Variants in ANK3 observed in about 807,000 individuals in gnomAD.
ANK3 encodes the protein ankyrin-3.
ANK3 carries 57 observed loss-of-function variants against 370.9 expected under a neutral mutation model. The ratio of observed to expected loss-of-function variants is 0.15; its 90% CI spans 0.12 to 0.19. The LOEUF (loss-of-function observed/expected upper bound fraction) is 0.19, where lower values mean the gene tolerates loss of function less well. Ranked by LOEUF, ANK3 falls within the 10% of genes least tolerant of loss-of-function variation. The pLI is 1.00. For missense variants in ANK3, 4,439 were observed against 5,302.1 expected, an observed-to-expected ratio of 0.84 and a Z score of 5.06; for synonymous variants, 1,929 against 1,946.3, an observed-to-expected ratio of 0.99 and a Z score of 0.23.
At chr10:60,582,619 T>A (rs1430695067) in intron 2 of ANK3, among the ~76,000 whole-genome samples, 1 of 151,106 alleles carries the variant, frequency 6.6e-6, no homozygotes, top group Non-Finnish European at 1.5e-5. Flanking sequence ...CACAGCCTTT[T>A]CTCATGTTGG....
At chr10:60,316,323 A>G (rs1230672907) in intron 1 of ANK3, among the ~76,000 whole-genome samples, 1 of 152,142 alleles carries the variant, frequency 6.6e-6, no homozygotes, top group Non-Finnish European at 1.5e-5. Context: ...CACAAACAAA[A>G]AAGCAGGAAG....
intron 43 of ANK3, among the ~76,000 whole-genome samples, chr10:60,034,934 GT>G (rs2074570041): frequency 6.6e-6 from 1 of 151,916 alleles, no homozygotes; most frequent in Non-Finnish European, 1.5e-5. Context: ...AGGTAGCTTT[GT>G]TTCTTCACTA....
rs141112329 is a variant in ANK3 at position 60,169,206 on chromosome 10, C to A, written c.2479-2310G>T. ...ATTTTTCCACAGCCTTGCCAGCATC[C>A]GTTGTTTTTTGACTTTGTAATAATT... On this transcript the variant is annotated intron_variant, in intron 21 of 43. Transcript: ENST00000280772. Among the ~76,000 whole-genome samples the A allele has an allele frequency of 3.7e-3, 565 of 152,010 alleles. 3 individuals carry two copies. The highest frequency in any genetic ancestry group is 0.013 in the African/African-American group (539 of 41,462).
upstream of ANK3, among the ~76,000 whole-genome samples, chr10:60,391,985 T>G (rs1024895162): frequency 2.0e-5 from 3 of 152,142 alleles, no homozygotes; most frequent in South Asian, 2.1e-4. Context: ...TAACAGAAAA[T>G]GTGATCTTTT....
Position 60,106,030 on chromosome 10 carries a change from C to T in ANK3, c.3203G>A (p.Gly1068Glu), listed in dbSNP as rs1223897919. ...TTCTCTCTCTTTTCCTCTCATGGAC[C>T]CAAAGTGAGGGATTTCCACTATGAC... ...GPVIVEIPHFGSMRGKERELI... is the reference protein window; with the variant it reads ...GPVIVEIPHFESMRGKERELI... The change falls in exon 28 of 44, where the codon GGG (glycine) becomes GAG (glutamate). Residue 1068 changes from glycine to glutamate, a missense_variant. By Grantham distance (98) the Gly-to-Glu change is moderately conservative. Transcript: ENST00000280772. 6.2e-7 allele frequency: 1 copy of T among 1,608,686 alleles called. No individual in the cohort carries two copies. Among genetic ancestry groups the T allele is most frequent in the Non-Finnish European group, 8.5e-7 (1 of 1,178,008 alleles).
chr10:60,645,402 A>G (rs1273162670), intron 1 of ANK3, among the ~76,000 whole-genome samples: 3 of 152,118 alleles, frequency 2.0e-5, no homozygotes, highest in East Asian at 1.9e-4. Flanking sequence ...TTAATATATA[A>G]TCTATGACAA....
chr10:60,193,757 C>CAAGTAAGGAAAAATATAAGT (rs2096537540), intron 16 of ANK3, among the ~76,000 whole-genome samples: 1 of 152,032 alleles, frequency 6.6e-6, no homozygotes, highest in Non-Finnish European at 1.5e-5. Context: ...TATTCTCATC[C>CAAGTAAGGAAAAATATAAGT]AAGGAAAAAA....
intron 7 of ANK3, among the ~76,000 whole-genome samples, chr10:60,246,862 C>T (rs566685814): frequency 3.3e-5 from 5 of 152,154 alleles, no homozygotes; most frequent in Non-Finnish European, 7.3e-5. Flanking sequence ...TCTCCCCACA[C>T]ACACCCTCAG....
rs570513851 is a variant in ANK3, at chr10:60,705,746, T to G, written c.57+27517A>C. Among the ~76,000 whole-genome samples the G allele has an allele frequency of 2.0e-5, 3 of 151,982 alleles. No homozygotes were observed. In the East Asian group the frequency reaches 5.8e-4, roughly 29 times the overall value. On this transcript the variant is annotated intron_variant, in intron 1 of 43. Coordinates refer to the ANK3 transcript ENST00000373827. ...GGAAAAGCTATCACCAGTGCTATTA[T>G]GAACCACAGTGATTTAACCTTGGGT...
At chr10:60,139,325 C>G in intron 23 of ANK3, 1 of 474,654 alleles carries the variant, frequency 2.1e-6, no homozygotes, top group Non-Finnish European at 3.7e-6. Context: ...AAATACAAAT[C>G]TGAAAACATT....
chr10:60,554,609 T>G (rs2133238054), intron 2 of ANK3, among the ~76,000 whole-genome samples: 1 of 152,310 alleles, frequency 6.6e-6, no homozygotes, highest in East Asian at 1.9e-4. Context: ...ACTATGAATT[T>G]CATTTAAAAA....
chr10:60,464,959 A>G (rs2064975342), intron 2 of ANK3, among the ~76,000 whole-genome samples: 1 of 152,130 alleles, frequency 6.6e-6, no homozygotes, highest in African/African-American at 2.4e-5. Context: ...TCTGTGATAA[A>G]CCAGATTCTC....
At chr10:60,420,483 G>A (rs576208329) in intron 2 of ANK3, among the ~76,000 whole-genome samples, 1 of 152,084 alleles carries the variant, frequency 6.6e-6, no homozygotes, top group Non-Finnish European at 1.5e-5. Context: ...TCTTCAAAGA[G>A]GTAGATCATA....
intron 1 of ANK3, 98 bp downstream of exon 1, chr10:60,389,327 G>A: frequency 2.6e-6 from 3 of 1,135,458 alleles, no homozygotes; most frequent in Middle Eastern, 2.7e-4. Context: ...ACTCTACCCA[G>A]CATGTAAAAA....
chr10:60,187,316 C>T (rs1322277540), intron 16 of ANK3, among the ~76,000 whole-genome samples: 9 of 151,772 alleles, frequency 5.9e-5, no homozygotes, highest in Admixed American at 3.9e-4. Context: ...CCACCATGCC[C>T]GGCTAATTTT....
chr10:60,423,183 A>T (rs1379957137), intron 2 of ANK3, among the ~76,000 whole-genome samples: 1 of 152,116 alleles, frequency 6.6e-6, no homozygotes, highest in Non-Finnish European at 1.5e-5. Flanking sequence ...TATGTCCTAA[A>T]TATACTTTTA....
chr10:60,055,975 C>T lies in ANK3; in HGVS notation c.12748G>A (p.Ala4250Thr). The change falls in exon 42 of 44, where the codon GCA (alanine) becomes ACA (threonine). Residue 4250 changes from alanine to threonine, a missense_variant. Ala to Thr is a moderately conservative substitution (Grantham distance 58). Around this residue, in one of 13 missense-constraint regions of ANK3, gnomAD observed 242 missense variants for 228.0 expected, o/e 1.06. Transcript: ENST00000280772. ...GTGATTTCTGTATGGCTTCCATTTGCTTCAAATTTGCCAGCTTCTCCTTTG... is the reference window on the plus strand; with the variant it reads ...GTGATTTCTGTATGGCTTCCATTTGTTTCAAATTTGCCAGCTTCTCCTTTG... Reference protein sequence around the residue: ...YLKGEAGKFEANGSHTEITPE... With the variant: ...YLKGEAGKFETNGSHTEITPE... 6.2e-7 allele frequency: 1 copy of T among 1,613,900 alleles called. No homozygotes were observed. The highest frequency in any genetic ancestry group is 8.5e-7 in the Non-Finnish European group (1 of 1,179,990).
chr10:60,515,667 T>C (rs1272060900), intron 2 of ANK3, among the ~76,000 whole-genome samples: 1 of 152,154 alleles, frequency 6.6e-6, no homozygotes, highest in East Asian at 1.9e-4. Flanking sequence ...CCAAGTTCCA[T>C]CCTTGCTCGA....
rs755384120 is a variant in ANK3, at chr10:60,073,080, T to C, written c.7801A>G (p.Lys2601Glu). 1.9e-6 allele frequency: 3 copies of C among 1,614,042 alleles called. No homozygotes were observed. Among genetic ancestry groups the C allele is most frequent in the African/African-American group, 1.3e-5 (1 of 74,922 alleles). The change falls in exon 37 of 44, where the codon AAG becomes GAG. Residue 2601 changes from lysine to glutamate, a missense_variant. Transcript: ENST00000280772. ...GGGGACTGCAGTTCATCATTTAGCTTTTCAGTTTTGTCACGAAAAAACTGT... is the reference window on the plus strand; with the variant it reads ...GGGGACTGCAGTTCATCATTTAGCTCTTCAGTTTTGTCACGAAAAAACTGT... Reference protein sequence around the residue: ...VSQFFRDKTEKLNDELQSPEK... With the variant: ...VSQFFRDKTEELNDELQSPEK...
Sources: allele counts gnomAD v4.1 joint callset (sites outside exome capture counted in the v4.1 genomes callset), GRCh38; gene constraint gnomAD v4.1.1; regional missense constraint gnomAD v4.1.1; transcripts MANE v1.5; gene names NCBI Gene and HGNC (gene_info 2026-07-23, HGNC 2026-07-21).